The following CDKN2A variants were observed in gnomAD, a reference collection of about 807,000 sequenced individuals.
CDKN2A encodes cyclin-dependent kinase inhibitor 2A.
CDKN2A carries 3 observed loss-of-function variants against 11.1 expected under a neutral mutation model. That is an observed-to-expected ratio of 0.27 (90% CI 0.12 to 0.70). The LOEUF (loss-of-function observed/expected upper bound fraction) is 0.70, where lower values mean the gene tolerates loss of function less well. Ranked by LOEUF, CDKN2A falls within the 30% of genes least tolerant of loss-of-function variation. The pLI is 0.77. For synonymous variants in CDKN2A, 122 were observed against 108.1 expected, an observed-to-expected ratio of 1.13 and a Z score of -0.80; for missense variants, 265 against 233.6, an observed-to-expected ratio of 1.13 and a Z score of -0.88.
chr9:21,968,056 T>G lies in CDKN2A; in HGVS notation c.*173A>C. ...TGATATAAATGGACATTTACGGTAG[T>G]GGGGGAAGGCATATATCTACGTTAA... is the stretch of plus-strand genomic sequence containing the variant. On this transcript the variant is annotated 3_prime_UTR_variant, in exon 3 of 3. Coordinates refer to ENST00000304494, the MANE Select transcript of CDKN2A (RefSeq NM_000077.5). The surrounding 1 kb of genome is among the most constrained non-coding windows in gnomAD (Gnocchi z 4.7). 1.5e-6 allele frequency: 1 copy of G among 649,766 alleles called. No individual in the cohort carries two copies. The highest frequency in any genetic ancestry group is 1.8e-5 in the South Asian group (1 of 54,578). 40.3% of individuals were successfully genotyped at this position (649,766 alleles called of 1,614,324 possible). A position where few individuals can be genotyped will look rare whatever the true frequency, so the allele number is the denominator to read the frequency against.
intron 2 of CDKN2A, chr9:21,992,114 T>A: frequency 1.2e-6 from 1 of 828,762 alleles, no homozygotes; most frequent in Non-Finnish European, 1.5e-6. Flanking sequence ...TAAAAAGTCA[T>A]AATAAACATA....
At position 21,968,346 on chromosome 9, in the gene CDKN2A, A is replaced by C. The variant is rs909374291; in HGVS notation, c.458-104T>G. On this transcript the variant is annotated intron_variant, in intron 2 of 2. Coordinates refer to ENST00000304494, the MANE Select transcript of CDKN2A (RefSeq NM_000077.5). The surrounding 1 kb of genome is among the most constrained non-coding windows in gnomAD (Gnocchi z 4.7). The stretch of plus-strand genomic sequence containing the variant: ...CGTCCCTACCGGCATTGAAATACTT[A>C]TGGATAAAGTTCTCGCAATGGCTTC... 5 of 1,528,228 alleles carry C rather than the reference A, an allele frequency of 3.3e-6. No individual in the cohort carries two copies. The African/African-American group carries it at 5.5e-5, about 17-fold the overall frequency. 94.7% of individuals were successfully genotyped at this position (1,528,228 alleles called of 1,614,324 possible).
intron 2 of CDKN2A, among the ~76,000 whole-genome samples, chr9:21,982,525 A>G (rs1161569722): frequency 6.6e-6 from 1 of 151,890 alleles, no homozygotes; most frequent in Non-Finnish European, 1.5e-5. Context: ...ACTTATATCT[A>G]TTTGTAGCTA....
At chr9:21,994,409 GC>G in intron 1 of CDKN2A, 1 of 1,606,050 alleles carries the variant, frequency 6.2e-7, no homozygotes. Context: ...CGCCACTCCT[GC>G]CCCCTTAACT....
intron 2 of CDKN2A, among the ~76,000 whole-genome samples, chr9:21,984,627 G>A (rs1247135413): frequency 6.6e-6 from 1 of 151,990 alleles, no homozygotes; most frequent in Non-Finnish European, 1.5e-5. Flanking sequence ...AATGTTGAAA[G>A]TCACAGATAA....
intron 2 of CDKN2A, among the ~76,000 whole-genome samples, chr9:21,987,430 C>G (rs1199769379): frequency 9.9e-5 from 12 of 121,208 alleles, no homozygotes; most frequent in Non-Finnish European, 2.0e-4. Flanking sequence ...CACACACACA[C>G]ACAGAGAGAG....
intron 1 of CDKN2A, chr9:21,994,512 C>T (rs1820550067): frequency 1.5e-6 from 2 of 1,338,204 alleles, no homozygotes; most frequent in Non-Finnish European, 2.0e-6. Flanking sequence ...CCACCTTCAC[C>T]CCCACCCCCA....
At chr9:21,992,022 A>G (rs2131143008) in intron 2 of CDKN2A, 2 of 984,476 alleles carry the variant, frequency 2.0e-6, no homozygotes, top group East Asian at 1.1e-4. Flanking sequence ...TAACAAATCA[A>G]CTATGGCAAT....
rs2131109979 is a variant in CDKN2A, at chr9:21,974,527, G to A, written c.150+151C>T. 6.2e-7 allele frequency: 1 copy of A among 1,613,246 alleles called. No individual in the cohort carries two copies. The highest frequency in any genetic ancestry group is 8.5e-7 in the Non-Finnish European group (1 of 1,179,964). Reference sequence around the variant, plus strand: ...GCCCCCAGGGCGTCGCCAGGAGGAGGTCTGTGATTACAAACCCCTTCTGAA... The same window carrying A: ...GCCCCCAGGGCGTCGCCAGGAGGAGATCTGTGATTACAAACCCCTTCTGAA... On this transcript the variant is annotated intron_variant, in intron 1 of 2. Coordinates refer to ENST00000304494, the MANE Select transcript of CDKN2A (RefSeq NM_000077.5). This position sits in a 1 kb window ranked among gnomAD's most constrained non-coding sequence, Gnocchi z 5.2.
At chr9:21,994,410 C>T (rs747151681) in intron 1 of CDKN2A, 7 of 1,605,816 alleles carry the variant, frequency 4.4e-6, no homozygotes, top group South Asian at 3.3e-5. Flanking sequence ...GCCACTCCTG[C>T]CCCCTTAACT....
At chr9:21,976,655 T>C (rs540342307), upstream of CDKN2A, among the ~76,000 whole-genome samples, 7 of 151,500 alleles carry the variant, frequency 4.6e-5, no homozygotes, top group African/African-American at 1.7e-4. Flanking sequence ...AAGGCGGAGG[T>C]TGCAGTGAGC....
chr9:21,974,619 A>G lies in CDKN2A; in HGVS notation c.150+59T>C, dbSNP rs2131111093. The G allele has an allele frequency of 1.2e-6, 2 of 1,614,080 alleles. No individual in the cohort carries two copies. On this transcript the variant is annotated intron_variant, in intron 1 of 2. Transcript: ENST00000304494. This position sits in a 1 kb window ranked among gnomAD's most constrained non-coding sequence, Gnocchi z 5.2. Reference sequence around the variant, plus strand: ...GCTACCTGATTCCAATTCCCCTGCAAACTTCGTCCTCCAGAGTCGCCCGCC... The same window carrying G: ...GCTACCTGATTCCAATTCCCCTGCAGACTTCGTCCTCCAGAGTCGCCCGCC...
intron 1 of CDKN2A, chr9:21,971,488 A>C: frequency 7.7e-6 from 5 of 647,914 alleles, no homozygotes; most frequent in Non-Finnish European, 1.2e-5. Context: ...GCAGGGACAG[A>C]CTGACTTTTA....
chr9:21,990,926 T>C (rs1440307914), intron 2 of CDKN2A, among the ~76,000 whole-genome samples: 4 of 152,190 alleles, frequency 2.6e-5, no homozygotes, highest in African/African-American at 9.7e-5. Flanking sequence ...AAATACAAAA[T>C]TGTTTTTCTT....
chr9:21,986,375 C>T (rs1820296763), intron 2 of CDKN2A, among the ~76,000 whole-genome samples: 1 of 151,950 alleles, frequency 6.6e-6, no homozygotes, highest in Non-Finnish European at 1.5e-5. Flanking sequence ...AACCTCCTTT[C>T]AACCAATAAA....
chr9:21,979,939 T>A (rs1820133572), intron 2 of CDKN2A, among the ~76,000 whole-genome samples: 1 of 152,180 alleles, frequency 6.6e-6, no homozygotes, highest in Admixed American at 6.5e-5. Context: ...TAATTCAACA[T>A]ATTACCATAA....
intron 2 of CDKN2A, chr9:21,992,209 G>A: frequency 1.1e-6 from 1 of 921,312 alleles, no homozygotes; most frequent in Non-Finnish European, 1.3e-6. Context: ...TAGCACTTGT[G>A]CCTCTCAAGG....
intron 2 of CDKN2A, among the ~76,000 whole-genome samples, chr9:21,987,422 CACACACACACAGAGAGAGAGAGAGAG>C (rs1044559592): frequency 3.3e-5 from 4 of 119,760 alleles, no homozygotes; most frequent in African/African-American, 9.4e-5. Context: ...CACACACACA[CACACACACACAGAGAGAGAGAGAGAG>C]AGAGAGAGAT....
At chr9:21,987,840 T>TA (rs1278352562) in intron 2 of CDKN2A, among the ~76,000 whole-genome samples, 2 of 152,200 alleles carry the variant, frequency 1.3e-5, no homozygotes, top group African/African-American at 2.4e-5. Context: ...AAATTGGTCA[T>TA]ATTTGTCAAA....
Sources: allele counts gnomAD v4.1 joint callset (sites outside exome capture counted in the v4.1 genomes callset), GRCh38; gene constraint gnomAD v4.1.1; non-coding constraint Gnocchi (gnomAD v3.1); transcripts MANE v1.5; gene names NCBI Gene and HGNC (gene_info 2026-07-23, HGNC 2026-07-21).